ARHGAP10: variants seen among roughly 807,000 people sequenced by gnomAD.
ARHGAP10 encodes the protein Rho GTPase activating protein 10.
ARHGAP10 carries 87 observed loss-of-function variants against 108.6 expected under a neutral mutation model. The ratio of observed to expected loss-of-function variants is 0.80; its 90% CI spans 0.67 to 0.96. The LOEUF is 0.96. Ranked by LOEUF, ARHGAP10 falls within the 40% of genes least tolerant of loss-of-function variation. The probability of loss-of-function intolerance (pLI) is 0.00; values close to 1 mark genes in which losing one functional copy is unlikely to be tolerated. For missense variants in ARHGAP10, 939 were observed against 954.5 expected, an observed-to-expected ratio of 0.98 and a Z score of 0.21; for synonymous variants, 347 against 341.1, an observed-to-expected ratio of 1.02 and a Z score of -0.19.
chr4:147,921,994 T>C (rs13435747), intron 13 of ARHGAP10, among the ~76,000 whole-genome samples: 21,068 of 152,062 alleles, frequency 0.14, 3,215 homozygotes, highest in African/African-American at 0.36. Flanking sequence ...TGGAAAAAGA[T>C]AATGGGCTTG....
At chr4:147,759,583 C>G (rs1017573085) in intron 1 of ARHGAP10, among the ~76,000 whole-genome samples, 1 of 118,904 alleles carries the variant, frequency 8.4e-6, no homozygotes, top group Non-Finnish European at 1.7e-5. Flanking sequence ...ATACACCGCC[C>G]CCCCCCCCCT....
chr4:147,929,459 T>C (rs149545220), intron 13 of ARHGAP10, among the ~76,000 whole-genome samples: 45 of 152,350 alleles, frequency 3.0e-4, no homozygotes, highest in African/African-American at 1.1e-3. Flanking sequence ...AAGAGTATCT[T>C]TGTGTATGAA....
At chr4:147,796,650 C>T (rs912510600) in intron 1 of ARHGAP10, among the ~76,000 whole-genome samples, 1 of 152,096 alleles carries the variant, frequency 6.6e-6, no homozygotes, top group African/African-American at 2.4e-5. Context: ...CTCAGCCTCC[C>T]GAGTAGCTGG....
chr4:147,741,800 A>ACACACACACG (rs1560733930), intron 1 of ARHGAP10, among the ~76,000 whole-genome samples: 2 of 138,976 alleles, frequency 1.4e-5, no homozygotes, highest in African/African-American at 6.0e-5. Flanking sequence ...ACGCACACAC[A>ACACACACACG]CACACACACA....
chr4:147,776,607 A>G (rs1044088715), intron 1 of ARHGAP10, among the ~76,000 whole-genome samples: 2 of 152,122 alleles, frequency 1.3e-5, no homozygotes, highest in African/African-American at 4.8e-5. Flanking sequence ...CCCCCAAGAC[A>G]GCAAGCTGAC....
At chr4:147,900,885 C>T (rs893352270) in intron 10 of ARHGAP10, among the ~76,000 whole-genome samples, 2 of 152,166 alleles carry the variant, frequency 1.3e-5, no homozygotes, top group Admixed American at 6.5e-5. Context: ...CCAGGCTGGT[C>T]TCAAACTCCT....
chr4:147,770,871 G>A (rs915470601), intron 1 of ARHGAP10, among the ~76,000 whole-genome samples: 9 of 152,186 alleles, frequency 5.9e-5, no homozygotes, highest in African/African-American at 2.2e-4. Context: ...AATTCTGGAG[G>A]CTAGAAGTCT....
chr4:147,897,327 TC>T (rs1259223356), intron 10 of ARHGAP10, among the ~76,000 whole-genome samples: 9 of 151,942 alleles, frequency 5.9e-5, no homozygotes, highest in Non-Finnish European at 1.3e-4. Context: ...GGTCTTGAAC[TC>T]CTGACTTCAA....
chr4:147,931,825 T>C (rs1237656377), intron 13 of ARHGAP10, among the ~76,000 whole-genome samples: 5 of 152,228 alleles, frequency 3.3e-5, no homozygotes, highest in Non-Finnish European at 7.4e-5. Flanking sequence ...AATTGACAAA[T>C]GGGATCTTAT....
chr4:147,768,611 T>A (rs921971586), intron 1 of ARHGAP10, among the ~76,000 whole-genome samples: 1 of 152,172 alleles, frequency 6.6e-6, no homozygotes, highest in East Asian at 1.9e-4. Flanking sequence ...TTCAAAACCA[T>A]AATATTTTTG....
At chr4:147,809,443 G>A (rs535205443) in intron 1 of ARHGAP10, among the ~76,000 whole-genome samples, 3 of 152,146 alleles carry the variant, frequency 2.0e-5, no homozygotes, top group Non-Finnish European at 2.9e-5. Context: ...CATCCAGACA[G>A]GATAACTTAG....
At chr4:147,777,347 C>T (rs968479075) in intron 1 of ARHGAP10, among the ~76,000 whole-genome samples, 1 of 151,762 alleles carries the variant, frequency 6.6e-6, no homozygotes, top group Admixed American at 6.6e-5. Context: ...CAAGCTCCAC[C>T]TCCCGGGTTC....
At chr4:147,903,762 C>G (rs1029052139) in intron 10 of ARHGAP10, among the ~76,000 whole-genome samples, 2 of 152,186 alleles carry the variant, frequency 1.3e-5, no homozygotes, top group Admixed American at 6.5e-5. Flanking sequence ...TAAGCTCCCT[C>G]CATGTCTTCT....
intron 10 of ARHGAP10, among the ~76,000 whole-genome samples, chr4:147,902,932 T>G: frequency 6.7e-6 from 1 of 149,280 alleles, no homozygotes; most frequent in Non-Finnish European, 1.5e-5. Context: ...GGCGGGGGTG[T>G]GTGGGGCAGG....
chr4:147,906,070 T>C (rs1462457882), intron 10 of ARHGAP10, among the ~76,000 whole-genome samples: 36 of 152,238 alleles, frequency 2.4e-4, no homozygotes, highest in Admixed American at 2.4e-3. Context: ...GTGATTTTTG[T>C]ACATTGATTT....
At chr4:147,933,716 A>G (rs349024) in intron 13 of ARHGAP10, among the ~76,000 whole-genome samples, 4,525 of 152,294 alleles carry the variant, frequency 0.03, 95 homozygotes, top group Admixed American at 0.044. Context: ...AGACTGTTCT[A>G]GTGGCCCAGA....
At chr4:147,791,187 C>G (rs908449124) in intron 1 of ARHGAP10, among the ~76,000 whole-genome samples, 1 of 151,172 alleles carries the variant, frequency 6.6e-6, no homozygotes, top group African/African-American at 2.4e-5. Context: ...TCTCAGCTCA[C>G]TGCAGCCTCT....
chr4:148,025,270 G>A (rs912764668), intron 19 of ARHGAP10, among the ~76,000 whole-genome samples: 34 of 151,830 alleles, frequency 2.2e-4, no homozygotes, highest in Admixed American at 1.3e-4. Context: ...CTTTAGTCTG[G>A]TTTTTATGTT....
intron 13 of ARHGAP10, among the ~76,000 whole-genome samples, chr4:147,919,015 G>A (rs1255123056): frequency 6.6e-6 from 1 of 152,132 alleles, no homozygotes; most frequent in African/African-American, 2.4e-5. Context: ...TTCTCTTCTG[G>A]CCTCCAATTG....
Sources: allele counts gnomAD v4.1 joint callset (sites outside exome capture counted in the v4.1 genomes callset), GRCh38; gene constraint gnomAD v4.1.1; transcripts MANE v1.5; gene names NCBI Gene and HGNC (gene_info 2026-07-23, HGNC 2026-07-21).